The following MECOM variants were observed in gnomAD, a reference collection of about 807,000 sequenced individuals.
MECOM encodes MDS1 and EVI1 complex locus, also known as histone-lysine N-methyltransferase MECOM.
MECOM carries 13 observed loss-of-function variants against 116.3 expected under a neutral mutation model. That is an observed-to-expected ratio of 0.11 (90% CI 0.07 to 0.18). The LOEUF (loss-of-function observed/expected upper bound fraction) is 0.18, where lower values mean the gene tolerates loss of function less well. Ranked by LOEUF, MECOM falls within the 10% of genes least tolerant of loss-of-function variation. The probability of loss-of-function intolerance (pLI) is 1.00; values close to 1 mark genes in which losing one functional copy is unlikely to be tolerated. For missense variants in MECOM, 1,299 were observed against 1,509.0 expected (o/e 0.86, Z 2.31); for synonymous variants, 528 against 535.2 (o/e 0.99, Z 0.19).
At chr3:169,659,085 A>G (rs1251169813) in intron 1 of MECOM, among the ~76,000 whole-genome samples, 1 of 151,092 alleles carries the variant, frequency 6.6e-6, no homozygotes, top group Non-Finnish European at 1.5e-5. Flanking sequence ...AAAAAAAAAA[A>G]AAAAAAGAAA....
At chr3:169,593,747 G>A (rs78616784) in intron 1 of MECOM, among the ~76,000 whole-genome samples, 2,607 of 152,214 alleles carry the variant, frequency 0.017, 27 homozygotes, top group Non-Finnish European at 0.026. Context: ...CCATTCCCAA[G>A]GAGTTAATTC....
intron 2 of MECOM, among the ~76,000 whole-genome samples, chr3:169,331,961 T>G (rs1722802645): frequency 6.6e-6 from 1 of 151,036 alleles, no homozygotes; most frequent in Non-Finnish European, 1.5e-5. Flanking sequence ...CTGCATACAT[T>G]TACATAGAAA....
At chr3:169,352,874 G>GA (rs1348812835) in intron 2 of MECOM, among the ~76,000 whole-genome samples, 2 of 151,874 alleles carry the variant, frequency 1.3e-5, no homozygotes, top group Non-Finnish European at 2.9e-5. Flanking sequence ...ACAATTTCTT[G>GA]ATTAAAAATG....
intron 2 of MECOM, among the ~76,000 whole-genome samples, chr3:169,226,577 C>A (rs1181436718): frequency 1.3e-5 from 2 of 152,146 alleles, no homozygotes; most frequent in African/African-American, 4.8e-5. Context: ...ATGAGAAAAT[C>A]AAGTGACAAC....
intron 10 of MECOM, 74 bp downstream of exon 10, chr3:169,107,852 A>T: frequency 1.6e-6 from 2 of 1,260,944 alleles, no homozygotes; most frequent in Non-Finnish European, 2.3e-6. Context: ...ATGTCTGTAC[A>T]GCAATTTAGA....
intron 2 of MECOM, chr3:169,149,570 G>T: frequency 3.0e-6 from 1 of 330,402 alleles, no homozygotes; most frequent in South Asian, 2.3e-5. Flanking sequence ...GCCAGGCGCC[G>T]GCAACACAGC....
chr3:169,441,136 A>G (rs1209730074), intron 1 of MECOM, among the ~76,000 whole-genome samples: 1 of 152,188 alleles, frequency 6.6e-6, no homozygotes, highest in Non-Finnish European at 1.5e-5. Flanking sequence ...CCATTTCCCA[A>G]GCTGGCTGAT....
chr3:169,367,683 A>T (rs987722008), intron 2 of MECOM, among the ~76,000 whole-genome samples: 2 of 151,934 alleles, frequency 1.3e-5, no homozygotes, highest in Non-Finnish European at 2.9e-5. Flanking sequence ...CTTCAGCAGC[A>T]CTCTACTGGT....
intron 2 of MECOM, chr3:169,146,151 A>G: frequency 1.1e-6 from 1 of 942,632 alleles, no homozygotes; most frequent in Non-Finnish European, 1.3e-6. Flanking sequence ...CTTAAAAAAA[A>G]ACCGTTTAGG....
At chr3:169,295,343 C>G (rs999441821) in intron 2 of MECOM, among the ~76,000 whole-genome samples, 1 of 152,106 alleles carries the variant, frequency 6.6e-6, no homozygotes, top group African/African-American at 2.4e-5. Context: ...GGCAGCATAC[C>G]CAAATTTCAA....
intron 2 of MECOM, among the ~76,000 whole-genome samples, chr3:169,288,982 C>T (rs1202221320): frequency 6.6e-6 from 1 of 152,122 alleles, no homozygotes; most frequent in Non-Finnish European, 1.5e-5. Flanking sequence ...AAAAGGATTC[C>T]AGAGAAGAGA....
intron 2 of MECOM, among the ~76,000 whole-genome samples, chr3:169,258,837 C>G (rs949938623): frequency 3.9e-5 from 6 of 152,156 alleles, no homozygotes; most frequent in Non-Finnish European, 5.9e-5. Context: ...TTAATAATAT[C>G]GACTATTATC....
chr3:169,101,738 G>T (rs1404429422), intron 11 of MECOM, among the ~76,000 whole-genome samples: 2 of 152,110 alleles, frequency 1.3e-5, no homozygotes, highest in African/African-American at 4.8e-5. Flanking sequence ...CTTGAGGACA[G>T]TAGTAGTATA....
intron 1 of MECOM, among the ~76,000 whole-genome samples, chr3:169,655,354 T>A (rs576321980): frequency 1.3e-5 from 2 of 152,332 alleles, no homozygotes; most frequent in South Asian, 4.1e-4. Context: ...TCTAGTCTAA[T>A]CCATTCATTT....
chr3:169,261,711 A>AAGAAGGAGAAGGAGAAGG (rs370712756), intron 2 of MECOM, among the ~76,000 whole-genome samples: 1 of 150,536 alleles, frequency 6.6e-6, no homozygotes, highest in Non-Finnish European at 1.5e-5. Context: ...CAAGAAGAAG[A>AAGAAGGAGAAGGAGAAGG]AGAAGGAGAA....
At chr3:169,281,243 A>G (rs2149678200) in intron 2 of MECOM, among the ~76,000 whole-genome samples, 1 of 152,326 alleles carries the variant, frequency 6.6e-6, no homozygotes, top group South Asian at 2.1e-4. Context: ...AATCACATTC[A>G]CATTGCCATC....
At chr3:169,482,648 A>G (rs1429802982) in intron 1 of MECOM, among the ~76,000 whole-genome samples, 1 of 152,116 alleles carries the variant, frequency 6.6e-6, no homozygotes, top group Non-Finnish European at 1.5e-5. Flanking sequence ...ACCTTCTAAC[A>G]AGATGAAGTC....
At chr3:169,257,126 A>G (rs548069094) in intron 2 of MECOM, among the ~76,000 whole-genome samples, 1 of 152,316 alleles carries the variant, frequency 6.6e-6, no homozygotes, top group East Asian at 1.9e-4. Flanking sequence ...AATAATATCC[A>G]TGTTTAAAAG....
intron 1 of MECOM, among the ~76,000 whole-genome samples, chr3:169,526,767 A>G (rs2109117471): frequency 6.6e-6 from 1 of 152,154 alleles, no homozygotes; most frequent in East Asian, 1.9e-4. Flanking sequence ...AGCCCTGACT[A>G]CTTTTTGCAA....
Sources: allele counts gnomAD v4.1 joint callset (sites outside exome capture counted in the v4.1 genomes callset), GRCh38; gene constraint gnomAD v4.1.1; transcripts MANE v1.5; gene names NCBI Gene and HGNC (gene_info 2026-07-23, HGNC 2026-07-21).